The following CNTNAP2 variants were observed in gnomAD, a reference collection of about 807,000 sequenced individuals.
CNTNAP2 encodes contactin associated protein 2.
Under a neutral mutation model 155.2 loss-of-function variants are expected in CNTNAP2, and 98 were observed. That is an observed-to-expected ratio of 0.63 (90% confidence interval 0.54 to 0.75). CNTNAP2 has a LOEUF of 0.75. Ranked by LOEUF, CNTNAP2 falls within the 30% of genes least tolerant of loss-of-function variation. The probability of loss-of-function intolerance (pLI) is 0.00; values close to 1 mark genes in which losing one functional copy is unlikely to be tolerated. For missense variants in CNTNAP2, 1,727 were observed against 1,688.1 expected (o/e 1.02, Z -0.40); for synonymous variants, 651 against 631.2 (o/e 1.03, Z -0.47).
At chr7:148,097,850 A>T (rs914636618) in intron 15 of CNTNAP2, among the ~76,000 whole-genome samples, 1 of 152,192 alleles carries the variant, frequency 6.6e-6, no homozygotes, top group Non-Finnish European at 1.5e-5. Flanking sequence ...TGTCAAAAAC[A>T]GAGCAAAGAA....
chr7:147,972,908 G>T (rs1801358518), intron 14 of CNTNAP2, among the ~76,000 whole-genome samples: 1 of 152,066 alleles, frequency 6.6e-6, no homozygotes, highest in Non-Finnish European at 1.5e-5. Flanking sequence ...ATTGGTTGTG[G>T]AGGCTAGGCA....
intron 16 of CNTNAP2, among the ~76,000 whole-genome samples, chr7:148,146,831 C>T (rs1053330698): frequency 6.6e-6 from 1 of 152,202 alleles, no homozygotes; most frequent in African/African-American, 2.4e-5. Context: ...AGGTTACCCT[C>T]ATTACACCAA....
intron 23 of CNTNAP2, among the ~76,000 whole-genome samples, chr7:148,411,533 T>C (rs1270100513): frequency 6.6e-6 from 1 of 152,172 alleles, no homozygotes; most frequent in Non-Finnish European, 1.5e-5. Flanking sequence ...CCCAAAGTGC[T>C]GGGATTATAG....
chr7:147,023,947 CTCTT>C (rs896185061), intron 3 of CNTNAP2, among the ~76,000 whole-genome samples: 2 of 152,238 alleles, frequency 1.3e-5, no homozygotes, highest in Non-Finnish European at 2.9e-5. Flanking sequence ...TTATACTCCT[CTCTT>C]TATTTCCCGA....
intron 13 of CNTNAP2, among the ~76,000 whole-genome samples, chr7:147,693,603 G>C (rs1796120588): frequency 1.3e-5 from 2 of 151,790 alleles, no homozygotes; most frequent in African/African-American, 2.4e-5. Context: ...GATATAAATA[G>C]TATTGTGCTT....
chr7:147,562,358 C>T lies in CNTNAP2; in HGVS notation c.1897+101C>T, dbSNP rs566606463. The T allele has an allele frequency of 7.4e-5, 106 of 1,423,732 alleles. No homozygotes were observed. In the African/African-American group the frequency reaches 1.2e-3, roughly 16 times the overall value. 88.2% of individuals were successfully genotyped at this position (1,423,732 alleles called of 1,614,324 possible). ...TTTCTTTGGTGCTATGTTTTTATCA[C>T]AACATCTAATCAGCAACATATTGCT... is the stretch of plus-strand genomic sequence containing the variant. On this transcript the variant is annotated intron_variant, in intron 12 of 23. Coordinates refer to ENST00000361727, the MANE Select transcript of CNTNAP2 (RefSeq NM_014141.6).
At chr7:146,799,981 A>G (rs926083691) in intron 2 of CNTNAP2, among the ~76,000 whole-genome samples, 2 of 61,818 alleles carry the variant, frequency 3.2e-5, no homozygotes, top group South Asian at 9.7e-4. Flanking sequence ...AAGTATGAAA[A>G]TATGAAAATA....
intron 15 of CNTNAP2, among the ~76,000 whole-genome samples, chr7:148,031,694 C>A (rs1015344377): frequency 6.6e-6 from 1 of 152,134 alleles, no homozygotes; most frequent in African/African-American, 2.4e-5. Flanking sequence ...GAATAGCCTT[C>A]CTGGGTAACA....
At chr7:146,567,157 A>C (rs1219955003) in intron 1 of CNTNAP2, among the ~76,000 whole-genome samples, 1 of 152,228 alleles carries the variant, frequency 6.6e-6, no homozygotes, top group Non-Finnish European at 1.5e-5. Flanking sequence ...CAGTATAGGA[A>C]CAACACTAGA....
At chr7:147,884,391 T>C (rs1045315910) in intron 13 of CNTNAP2, among the ~76,000 whole-genome samples, 1 of 152,120 alleles carries the variant, frequency 6.6e-6, no homozygotes, top group African/African-American at 2.4e-5. Flanking sequence ...CTTAATCAAA[T>C]TATTCATCCA....
At chr7:146,390,027 C>T (rs1203366473) in intron 1 of CNTNAP2, among the ~76,000 whole-genome samples, 4 of 151,644 alleles carry the variant, frequency 2.6e-5, no homozygotes, top group African/African-American at 9.7e-5. Flanking sequence ...TTGGTCTCTG[C>T]CTTTCATATT....
intron 10 of CNTNAP2, among the ~76,000 whole-genome samples, chr7:147,401,977 G>T (rs1796922634): frequency 6.6e-6 from 1 of 152,126 alleles, no homozygotes; most frequent in African/African-American, 2.4e-5. Context: ...ACAAAAGCAG[G>T]CTTAAATTTT....
At chr7:147,669,992 C>T (rs1372870666) in intron 13 of CNTNAP2, among the ~76,000 whole-genome samples, 1 of 152,126 alleles carries the variant, frequency 6.6e-6, no homozygotes, top group Non-Finnish European at 1.5e-5. Context: ...CTTAGATTCT[C>T]CCTGGATCCC....
At chr7:146,682,251 T>A (rs1329049691) in intron 1 of CNTNAP2, among the ~76,000 whole-genome samples, 5 of 152,062 alleles carry the variant, frequency 3.3e-5, no homozygotes, top group Admixed American at 3.3e-4. Context: ...ATATATATAT[T>A]TTTAATGTAA....
chr7:147,106,354 T>C (rs1242766480), intron 4 of CNTNAP2, among the ~76,000 whole-genome samples: 1 of 152,102 alleles, frequency 6.6e-6, no homozygotes, highest in African/African-American at 2.4e-5. Context: ...GAAAAAGATA[T>C]TGCCATTGAA....
chr7:147,007,092 A>T (rs1386592801), intron 3 of CNTNAP2, among the ~76,000 whole-genome samples: 1 of 152,130 alleles, frequency 6.6e-6, no homozygotes, highest in Non-Finnish European at 1.5e-5. Flanking sequence ...CGCATGTTTC[A>T]TTAGTATTTT....
At chr7:148,138,441 G>C (rs1401553562) in intron 16 of CNTNAP2, among the ~76,000 whole-genome samples, 1 of 152,112 alleles carries the variant, frequency 6.6e-6, no homozygotes, top group East Asian at 1.9e-4. Flanking sequence ...CATGTATTTT[G>C]ATGAACTGGC....
chr7:148,028,637 A>G (rs2116458266), intron 15 of CNTNAP2, among the ~76,000 whole-genome samples: 1 of 152,306 alleles, frequency 6.6e-6, no homozygotes, highest in South Asian at 2.1e-4. Flanking sequence ...CATTCTGTGT[A>G]GGGAGAATAA....
chr7:146,653,445 T>G (rs184837879), intron 1 of CNTNAP2, among the ~76,000 whole-genome samples: 1 of 152,300 alleles, frequency 6.6e-6, no homozygotes, highest in East Asian at 1.9e-4. Flanking sequence ...GTGTATAAAT[T>G]TTCAATCTAC....
Sources: allele counts gnomAD v4.1 joint callset (sites outside exome capture counted in the v4.1 genomes callset), GRCh38; gene constraint gnomAD v4.1.1; transcripts MANE v1.5; gene names NCBI Gene and HGNC (gene_info 2026-07-23, HGNC 2026-07-21).